LPP: variants seen among roughly 807,000 people sequenced by gnomAD.
LPP encodes the protein LIM domain containing preferred translocation partner in lipoma.
LPP carries 38 observed loss-of-function variants against 60.4 expected under a neutral mutation model. That is an observed-to-expected ratio of 0.63 (90% CI 0.49 to 0.83). LPP has a LOEUF of 0.83. LPP is among the 40% of genes least tolerant of loss of function. The pLI, the probability that LPP is intolerant of heterozygous loss-of-function variation, is 0.00. For synonymous variants in LPP, 328 were observed against 290.8 expected, an observed-to-expected ratio of 1.13 and a Z score of -1.30; for missense variants, 902 against 783.6, an observed-to-expected ratio of 1.15 and a Z score of -1.80.
chr3:188,596,209 G>A (rs916437227), intron 6 of LPP, among the ~76,000 whole-genome samples: 4 of 152,058 alleles, frequency 2.6e-5, no homozygotes, highest in African/African-American at 9.7e-5. Flanking sequence ...AAGGGGGAGG[G>A]TTAAAAAACC....
chr3:188,276,889 CTTTTCTTTTTTTTTTTTTTT>C (rs1740069415), intron 2 of LPP, among the ~76,000 whole-genome samples: 1 of 60,160 alleles, frequency 1.7e-5, no homozygotes, highest in African/African-American at 8.8e-5. Context: ...CACTTCTTTT[CTTTTCTTTTTTTTTTTTTTT>C]TTTTTTTTTT....
At chr3:188,551,189 A>G (rs1253863953) in intron 6 of LPP, among the ~76,000 whole-genome samples, 1 of 152,216 alleles carries the variant, frequency 6.6e-6, no homozygotes, top group African/African-American at 2.4e-5. Context: ...ACTCAGAGTC[A>G]TGGCGGGAGG....
intron 1 of LPP, among the ~76,000 whole-genome samples, chr3:188,210,767 A>G (rs897145211): frequency 3.9e-5 from 6 of 152,108 alleles, no homozygotes; most frequent in Non-Finnish European, 2.9e-5. Context: ...GCTCTTTTCC[A>G]TGGAATAATC....
intron 8 of LPP, among the ~76,000 whole-genome samples, chr3:188,747,660 G>T (rs1309564319): frequency 6.6e-6 from 1 of 152,178 alleles, no homozygotes; most frequent in East Asian, 1.9e-4. Context: ...CCAGTGGGAA[G>T]TATTACCTAA....
intron 2 of LPP, among the ~76,000 whole-genome samples, chr3:188,281,616 A>AG (rs1560195990): frequency 3.3e-5 from 5 of 150,606 alleles, no homozygotes; most frequent in Admixed American, 6.6e-5. Context: ...AAAAAAAAAA[A>AG]AAAAAAGCTC....
intron 2 of LPP, among the ~76,000 whole-genome samples, chr3:188,268,017 A>ATTTTTTTTTT (rs5855185): frequency 9.8e-6 from 1 of 102,346 alleles, no homozygotes; most frequent in Non-Finnish European, 2.0e-5. Context: ...ATTTTTAAGG[A>ATTTTTTTTTT]TTTTTTTTTT....
At position 188,562,217 on chromosome 3, in the gene LPP, C is replaced by T. The variant is rs541648703; in HGVS notation, c.429+37430C>T. 13 of 151,938 alleles carry T rather than the reference C, an allele frequency of 8.6e-5. 1 individual carries two copies. The South Asian group carries it at 2.7e-3, about 31-fold the overall frequency. 9.4% of individuals were successfully genotyped at this position (151,938 alleles called of 1,614,324 possible). ...AGATCTGAACATTTGAGAAGGAGTTCCATAAAAAAGACAATGAAAATCAAG... is the reference window on the plus strand; with the variant it reads ...AGATCTGAACATTTGAGAAGGAGTTTCATAAAAAAGACAATGAAAATCAAG... On this transcript the variant is annotated intron_variant, in intron 6 of 11. Coordinates refer to ENST00000617246, the MANE Select transcript of LPP (RefSeq NM_001375462.1).
intron 9 of LPP, among the ~76,000 whole-genome samples, chr3:188,806,324 A>G (rs1749123790): frequency 6.6e-6 from 1 of 151,856 alleles, no homozygotes; most frequent in Non-Finnish European, 1.5e-5. Context: ...CTTATTACAT[A>G]ATATGATTCT....
At chr3:188,785,547 T>TATATATATATATATACAC (rs1206082559) in intron 9 of LPP, among the ~76,000 whole-genome samples, 11 of 43,842 alleles carry the variant, frequency 2.5e-4, no homozygotes, top group South Asian at 1.2e-3. Context: ...TATATATATA[T>TATATATATATATATACAC]ACACACACAC....
chr3:188,348,546 G>T (rs1413458397), intron 3 of LPP, among the ~76,000 whole-genome samples: 1 of 152,232 alleles, frequency 6.6e-6, no homozygotes, highest in East Asian at 1.9e-4. Context: ...AGCCCAATGA[G>T]ACAGGCACAG....
At chr3:188,385,350 G>T (rs1777995707) in intron 3 of LPP, among the ~76,000 whole-genome samples, 1 of 152,080 alleles carries the variant, frequency 6.6e-6, no homozygotes, top group African/African-American at 2.4e-5. Context: ...AGCGTGTGGG[G>T]GGGTGTGAAG....
intron 9 of LPP, among the ~76,000 whole-genome samples, chr3:188,793,502 G>C (rs1028014832): frequency 3.3e-5 from 5 of 152,020 alleles, no homozygotes; most frequent in African/African-American, 1.2e-4. Context: ...TATACTGATA[G>C]CAAAATTGAG....
At chr3:188,420,230 G>A (rs1463917231) in intron 4 of LPP, among the ~76,000 whole-genome samples, 1 of 152,062 alleles carries the variant, frequency 6.6e-6, no homozygotes, top group Non-Finnish European at 1.5e-5. Flanking sequence ...GTTTGTCCTT[G>A]CTAGAATTAT....
At chr3:188,277,365 G>A (rs61366304) in intron 2 of LPP, among the ~76,000 whole-genome samples, 1 of 152,144 alleles carries the variant, frequency 6.6e-6, no homozygotes, top group Non-Finnish European at 1.5e-5. Flanking sequence ...GTGCCCCAGA[G>A]TATTGTCAAC....
chr3:188,679,517 CTCTGTGTGTG>C (rs1560053798), intron 7 of LPP, among the ~76,000 whole-genome samples: 1 of 102,426 alleles, frequency 9.8e-6, no homozygotes, highest in Non-Finnish European at 1.9e-5. Flanking sequence ...ACTTTGAATA[CTCTGTGTGTG>C]TGTGTGTGTG....
intron 1 of LPP, among the ~76,000 whole-genome samples, chr3:188,199,456 G>A (rs186030834): frequency 3.6e-3 from 552 of 151,560 alleles, no homozygotes; most frequent in Non-Finnish European, 5.8e-3. Context: ...AGGAACAGAC[G>A]TCTCTGTGGA....
intron 8 of LPP, among the ~76,000 whole-genome samples, chr3:188,724,913 A>G (rs1057003282): frequency 6.6e-6 from 1 of 152,206 alleles, no homozygotes. Flanking sequence ...AAATAAAGTC[A>G]CCCTGTTGAC....
At chr3:188,851,833 T>C (rs1404759626) in intron 9 of LPP, among the ~76,000 whole-genome samples, 1 of 152,218 alleles carries the variant, frequency 6.6e-6, no homozygotes, top group African/African-American at 2.4e-5. Context: ...GGAACAATCA[T>C]TTATTATCTC....
chr3:188,613,249 T>A (rs1007658730), intron 7 of LPP, among the ~76,000 whole-genome samples: 2 of 131,582 alleles, frequency 1.5e-5, no homozygotes, highest in Admixed American at 1.6e-4. Context: ...ATTTTATATA[T>A]CTATATCTAT....
Sources: gnomAD v4.1 joint callset for allele counts (sites outside exome capture counted in the v4.1 genomes callset) on GRCh38, gnomAD v4.1.1 for gene constraint, MANE v1.5 for transcripts, NCBI Gene and HGNC (gene_info 2026-07-23, HGNC 2026-07-21) for gene names.